Variants in PKN2 observed in about 807,000 individuals in gnomAD.
The protein encoded by PKN2 is protein kinase N2.
In PKN2, 38 loss-of-function variants were observed where a neutral mutation model predicts 119.1. The observed-to-expected ratio is 0.32, with a 90% CI of 0.25 to 0.42. PKN2 has a LOEUF of 0.42. Among genes scored for constraint, PKN2 ranks in the 10% least tolerant of loss-of-function variants. The probability of loss-of-function intolerance (pLI) is 1.00; values close to 1 mark genes in which losing one functional copy is unlikely to be tolerated. For synonymous variants in PKN2, 390 were observed against 384.9 expected, an observed-to-expected ratio of 1.01 and a Z score of -0.15; for missense variants, 850 against 1,165.1, an observed-to-expected ratio of 0.73 and a Z score of 3.94.
intron 2 of PKN2, among the ~76,000 whole-genome samples, chr1:88,751,371 T>TACAC (rs1433658275): frequency 6.9e-6 from 1 of 144,440 alleles, no homozygotes; most frequent in African/African-American, 2.8e-5. Flanking sequence ...ATTATATATT[T>TACAC]ACACATACAC....
At chr1:88,748,032 G>A (rs1668836407) in intron 2 of PKN2, among the ~76,000 whole-genome samples, 1 of 151,962 alleles carries the variant, frequency 6.6e-6, no homozygotes. Flanking sequence ...TTGTTTCCTT[G>A]TCTTTAAAAT....
chr1:88,815,520 G>A, intron 16 of PKN2: 1 of 266,380 alleles, frequency 3.8e-6, no homozygotes, highest in Non-Finnish European at 7.1e-6. Flanking sequence ...TTAAAAGAGA[G>A]GAGCAAGAAC....
chr1:88,689,485 A>G (rs1460897769), intron 1 of PKN2, among the ~76,000 whole-genome samples: 1 of 152,152 alleles, frequency 6.6e-6, no homozygotes, highest in Non-Finnish European at 1.5e-5. Context: ...TAATCTCAAA[A>G]TATTTCAATT....
At chr1:88,802,723 A>C (rs58596932) in intron 8 of PKN2, among the ~76,000 whole-genome samples, 10,179 of 152,272 alleles carry the variant, frequency 0.067, 696 homozygotes, top group African/African-American at 0.18. Flanking sequence ...ATAAATAGCA[A>C]ATGAGGTGAT....
chr1:88,800,308 A>G (rs1266650691), intron 8 of PKN2, among the ~76,000 whole-genome samples: 1 of 152,224 alleles, frequency 6.6e-6, no homozygotes, highest in Non-Finnish European at 1.5e-5. Context: ...AAATACAAAT[A>G]CTGAGAGAAA....
intron 8 of PKN2, among the ~76,000 whole-genome samples, chr1:88,789,323 G>A (rs774752008): frequency 1.2e-4 from 19 of 152,156 alleles, no homozygotes; most frequent in Non-Finnish European, 2.5e-4. Flanking sequence ...TGGTATGACA[G>A]TATGATGACA....
intron 1 of PKN2, among the ~76,000 whole-genome samples, chr1:88,740,019 AT>A (rs913121377): frequency 1.4e-4 from 21 of 152,162 alleles, no homozygotes; most frequent in Admixed American, 9.2e-4. Flanking sequence ...GAAAAAAAAA[AT>A]AAAAAATAAT....
intron 2 of PKN2, among the ~76,000 whole-genome samples, chr1:88,757,593 T>TG (rs535379386): frequency 8.5e-5 from 13 of 152,110 alleles, no homozygotes; most frequent in Non-Finnish European, 1.8e-4. Flanking sequence ...TAAAGTAACT[T>TG]GCAGTTTAGG....
chr1:88,793,319 G>A (rs751832634), intron 8 of PKN2, among the ~76,000 whole-genome samples: 7 of 151,850 alleles, frequency 4.6e-5, no homozygotes, highest in Admixed American at 6.6e-5. Flanking sequence ...ACATATCTTT[G>A]TTGTAATGTT....
At chr1:88,765,130 T>C (rs1423269280) in intron 3 of PKN2, among the ~76,000 whole-genome samples, 1 of 152,074 alleles carries the variant, frequency 6.6e-6, no homozygotes, top group Non-Finnish European at 1.5e-5. Flanking sequence ...GGTTTCGCCA[T>C]GTTGGCCAGG....
intron 15 of PKN2, among the ~76,000 whole-genome samples, chr1:88,808,451 G>A (rs563698850): frequency 2.6e-5 from 4 of 152,010 alleles, no homozygotes; most frequent in East Asian, 1.9e-4. Context: ...GACTACAGAC[G>A]CATGCCACCA....
At position 88,772,125 on chromosome 1, in the gene PKN2, A is replaced by C. The variant is rs867263423; in HGVS notation, c.985+246A>C. Among the ~76,000 whole-genome samples, 4 of 152,216 alleles carry C rather than the reference A, an allele frequency of 2.6e-5. No homozygotes were observed. The South Asian group carries it at 8.3e-4, about 32-fold the overall frequency. ...TTTTCATCACCCCAAAAGGAAACGCATACCTGTTAAGCAGTCACTCCCCAT... is the reference window on the plus strand; with the variant it reads ...TTTTCATCACCCCAAAAGGAAACGCCTACCTGTTAAGCAGTCACTCCCCAT... On this transcript the variant is annotated intron_variant, in intron 6 of 21. Transcript: ENST00000370521.
At chr1:88,697,659 C>T (rs2100657703) in intron 1 of PKN2, among the ~76,000 whole-genome samples, 1 of 152,206 alleles carries the variant, frequency 6.6e-6, no homozygotes, top group East Asian at 1.9e-4. Flanking sequence ...AGTCCTAATT[C>T]CTTAGCTAGG....
intron 3 of PKN2, among the ~76,000 whole-genome samples, chr1:88,762,090 G>T (rs1246978042): frequency 1.3e-5 from 2 of 152,318 alleles, no homozygotes; most frequent in Admixed American, 1.3e-4. Flanking sequence ...GGAAAAGCAA[G>T]TGTGTATGTT....
intron 8 of PKN2, among the ~76,000 whole-genome samples, chr1:88,793,301 C>T (rs1670923186): frequency 6.6e-6 from 1 of 152,064 alleles, no homozygotes; most frequent in Admixed American, 6.6e-5. Context: ...TACATATATG[C>T]ATTCATGACA....
chr1:88,822,648 G>A (rs1050779141), intron 17 of PKN2, among the ~76,000 whole-genome samples: 4 of 147,802 alleles, frequency 2.7e-5, no homozygotes, highest in African/African-American at 1.0e-4. Context: ...GCACAATCTC[G>A]GCTCATGGCA....
rs774985283 is a variant in PKN2 at position 88,807,621 on chromosome 1, T to A, written c.2010+17T>A. ...TTTGGAAAGGTAATCTTTTTGGAAT[T>A]TTTTGGAATATCTACAACATTAATA... is the stretch of plus-strand genomic sequence containing the variant. On this transcript the variant is annotated intron_variant, in intron 14 of 21. Transcript: ENST00000370521. 2.5e-6 allele frequency: 4 copies of A among 1,596,448 alleles called. No homozygotes were observed. The East Asian group carries it at 9.0e-5, about 36-fold the overall frequency.
intron 1 of PKN2, among the ~76,000 whole-genome samples, chr1:88,700,628 G>C (rs1666734787): frequency 6.6e-6 from 1 of 152,178 alleles, no homozygotes; most frequent in Non-Finnish European, 1.5e-5. Context: ...CGTTACGGCT[G>C]TCCATACTTT....
intron 8 of PKN2, among the ~76,000 whole-genome samples, chr1:88,787,031 A>G (rs752443507): frequency 2.0e-5 from 3 of 151,790 alleles, no homozygotes; most frequent in Admixed American, 6.5e-5. Flanking sequence ...AAAGCATTCA[A>G]TGTTTTGCAG....
Sources: gnomAD v4.1 joint callset for allele counts (sites outside exome capture counted in the v4.1 genomes callset) on GRCh38, gnomAD v4.1.1 for gene constraint, MANE v1.5 for transcripts, NCBI Gene and HGNC (gene_info 2026-07-23, HGNC 2026-07-21) for gene names.